PCDH15: variants seen among roughly 807,000 people sequenced by gnomAD.
The protein encoded by PCDH15 is protocadherin-15.
Under a neutral mutation model 178.5 loss-of-function variants are expected in PCDH15, and 129 were observed. The ratio of observed to expected loss-of-function variants is 0.72; its 90% CI spans 0.63 to 0.84. PCDH15 has a LOEUF of 0.84. PCDH15 is among the 40% of genes least tolerant of loss of function. PCDH15 has a pLI of 0.00. For synonymous variants in PCDH15, 800 were observed against 732.0 expected, an observed-to-expected ratio of 1.09 and a Z score of -1.50; for missense variants, 2,230 against 2,099.9, an observed-to-expected ratio of 1.06 and a Z score of -1.21.
At position 54,421,660 on chromosome 10, in the gene PCDH15, GT is replaced by G. The variant is rs1565229285; in HGVS notation, c.158-42719del. ...CTACATTTATATATGTACATGTGTAGTGTATATATACATATATATATATATA... is the reference window on the plus strand; with the variant it reads ...CTACATTTATATATGTACATGTGTAGGTATATATACATATATATATATATA... On this transcript the variant is annotated intron_variant, in intron 3 of 37. Coordinates refer to ENST00000644397, the MANE Select transcript of PCDH15 (RefSeq NM_001384140.1). Among the ~76,000 whole-genome samples, 600 of 84,068 alleles carry G rather than the reference GT, an allele frequency of 7.1e-3. 18 individuals carry two copies. The highest frequency in any genetic ancestry group is 0.028 in the African/African-American group (558 of 19,728). The allele number at this position is 84,068 out of a possible 152,430, so 55.2% of individuals were successfully genotyped here.
intron 2 of PCDH15, among the ~76,000 whole-genome samples, chr10:54,611,937 T>C (rs549046098): frequency 6.6e-6 from 1 of 151,856 alleles, no homozygotes; most frequent in Non-Finnish European, 1.5e-5. Context: ...GTTCCTCTTC[T>C]ATTGTTCAAA....
At chr10:55,036,496 C>G (rs1840737338) in intron 2 of PCDH15, among the ~76,000 whole-genome samples, 1 of 152,118 alleles carries the variant, frequency 6.6e-6, no homozygotes, top group Admixed American at 6.6e-5. Context: ...TGATCCACTT[C>G]CAGGTACCAG....
At chr10:53,855,899 G>GATGTGTATATATATATATAT (rs1554832729) in intron 28 of PCDH15, among the ~76,000 whole-genome samples, 18 of 77,838 alleles carry the variant, frequency 2.3e-4, no homozygotes, top group African/African-American at 1.0e-3. Context: ...AAAAAAAGGT[G>GATGTGTATATATATATATAT]ATATGTATAT....
chr10:54,444,502 T>A (rs904002237), intron 3 of PCDH15, among the ~76,000 whole-genome samples: 5 of 151,712 alleles, frequency 3.3e-5, no homozygotes, highest in African/African-American at 1.2e-4. Context: ...TTCCTTCAAA[T>A]AGAAAGATTT....
chr10:54,210,885 TG>T (rs2051356688), intron 10 of PCDH15, among the ~76,000 whole-genome samples: 1 of 151,980 alleles, frequency 6.6e-6, no homozygotes, highest in Non-Finnish European at 1.5e-5. Context: ...CTAATTTCAT[TG>T]TGATCTTTGC....
intron 1 of PCDH15, among the ~76,000 whole-genome samples, chr10:55,182,531 T>C (rs1180345970): frequency 6.6e-6 from 1 of 152,030 alleles, no homozygotes; most frequent in Non-Finnish European, 1.5e-5. Context: ...CAGTCCTTAC[T>C]TTCCTCATCC....
intron 15 of PCDH15, among the ~76,000 whole-genome samples, chr10:54,102,887 C>T (rs759061436): frequency 3.9e-5 from 6 of 152,196 alleles, no homozygotes; most frequent in Non-Finnish European, 7.3e-5. Flanking sequence ...AACTAGAGGA[C>T]CACAGTTTTG....
intron 1 of PCDH15, among the ~76,000 whole-genome samples, chr10:55,221,735 G>C (rs2132184819): frequency 6.6e-6 from 1 of 152,144 alleles, no homozygotes; most frequent in Non-Finnish European, 1.5e-5. Context: ...CCATAGAAGT[G>C]TAGTATATGT....
chr10:54,360,548 G>A (rs997964281), intron 5 of PCDH15, among the ~76,000 whole-genome samples: 4 of 151,940 alleles, frequency 2.6e-5, no homozygotes, highest in Admixed American at 6.6e-5. Flanking sequence ...ATCTTCATGG[G>A]TCCCATTTCA....
At position 55,467,966 on chromosome 10, in the gene PCDH15, CAAAAAAAA is replaced by C. The variant is rs71463104; in HGVS notation, c.-156+159651_-156+159658del. Among the ~76,000 whole-genome samples the C allele has an allele frequency of 3.0e-4, 11 of 36,638 alleles. 1 individual carries two copies. Among genetic ancestry groups the C allele is most frequent in the Middle Eastern group, 0.015 (1 of 66 alleles). The allele number at this position is 36,638 out of a possible 152,430, so 24.0% of individuals were successfully genotyped here. On this transcript the variant is annotated intron_variant, in intron 2 of 5. Coordinates refer to the PCDH15 transcript ENST00000613346. ...TGGGCGATAGAGCCAGACTCCGTCT[CAAAAAAAA>C]AAAAAAAAAAAAAAAAAGAATTAAA...
chr10:55,043,582 T>C (rs1840921860), intron 2 of PCDH15, among the ~76,000 whole-genome samples: 1 of 151,746 alleles, frequency 6.6e-6, no homozygotes, highest in African/African-American at 2.4e-5. Context: ...CAGTGGTGCA[T>C]GTCTGTAGTC....
At chr10:54,512,449 CAAT>C (rs1489145973) in intron 3 of PCDH15, among the ~76,000 whole-genome samples, 1 of 147,842 alleles carries the variant, frequency 6.8e-6, no homozygotes, top group Non-Finnish European at 1.5e-5. Flanking sequence ...ACTGTACATA[CAAT>C]AATATCTTGC....
At chr10:54,055,900 T>C (rs750287521) in intron 18 of PCDH15, among the ~76,000 whole-genome samples, 2 of 152,216 alleles carry the variant, frequency 1.3e-5, no homozygotes, top group Non-Finnish European at 2.9e-5. Flanking sequence ...AGAACATTAG[T>C]TGAGAAAACA....
intron 26 of PCDH15, among the ~76,000 whole-genome samples, chr10:53,892,107 C>T (rs910764700): frequency 6.7e-6 from 1 of 149,276 alleles, no homozygotes; most frequent in Non-Finnish European, 1.5e-5. Flanking sequence ...TCACTGCAAC[C>T]TCAGACGCCT....
At chr10:53,866,546 C>T (rs1014526557) in intron 27 of PCDH15, 96 bp downstream of exon 27, 12 of 882,636 alleles carry the variant, frequency 1.4e-5, no homozygotes, top group Admixed American at 7.9e-5. Flanking sequence ...TTTGAAAACC[C>T]GTTTTAAATT....
intron 24 of PCDH15, among the ~76,000 whole-genome samples, chr10:53,939,641 C>T (rs993386731): frequency 5.3e-5 from 8 of 151,766 alleles, no homozygotes; most frequent in African/African-American, 9.7e-5. Context: ...TATTAATCTC[C>T]GCTTACTGGA....
At position 55,283,655 on chromosome 10, in the gene PCDH15, G is replaced by C. The variant is rs890405767; in HGVS notation, c.-156+35944C>G. ...CAGTCACTATTAAGTACTTGGTATA[G>C]AGCTTTGTGCATCCTAGATGCTCAA... On this transcript the variant is annotated intron_variant, in intron 1 of 5. Transcript: ENST00000458638. Among the ~76,000 whole-genome samples, 7 of 150,498 alleles carry C rather than the reference G, an allele frequency of 4.7e-5. No homozygotes were observed. The Admixed American group carries it at 4.7e-4, about 10-fold the overall frequency.
chr10:55,406,743 A>C (rs2132030770), intron 2 of PCDH15, among the ~76,000 whole-genome samples: 1 of 152,192 alleles, frequency 6.6e-6, no homozygotes, highest in South Asian at 2.1e-4. Context: ...TCACTGACCT[A>C]TGAATGGTAT....
At chr10:55,416,386 A>G (rs1196941005) in intron 2 of PCDH15, among the ~76,000 whole-genome samples, 1 of 151,776 alleles carries the variant, frequency 6.6e-6, no homozygotes, top group Non-Finnish European at 1.5e-5. Context: ...CATGGAAGAG[A>G]ATCTAATGTA....
Sources: allele counts gnomAD v4.1 joint callset (sites outside exome capture counted in the v4.1 genomes callset), GRCh38; gene constraint gnomAD v4.1.1; transcripts MANE v1.5; gene names NCBI Gene and HGNC (gene_info 2026-07-23, HGNC 2026-07-21).